The following ARLN variants were observed in gnomAD, a reference collection of about 807,000 sequenced individuals.
ARLN encodes allregulin.
the ARLN span, chr4:119,300,733 G>A: frequency 2.0e-6 from 3 of 1,515,838 alleles, no homozygotes; most frequent in South Asian, 1.2e-5. Context: ...CTCCGTGACC[G>A]CTGGCATGAA....
the ARLN span, chr4:119,297,147 G>A: frequency 2.0e-5 from 3 of 152,238 alleles, no homozygotes; most frequent in African/African-American, 7.2e-5. Flanking sequence ...TCCCAGTTCT[G>A]TGTTCCTACA....
chr4:119,301,706 C>A, the ARLN span, among the ~76,000 whole-genome samples: 2 of 152,070 alleles, frequency 1.3e-5, no homozygotes, highest in Non-Finnish European at 2.9e-5. Flanking sequence ...CGTAAAACCT[C>A]TTTGAAGGGG....
chr4:119,301,372 TGA>T, the ARLN span, among the ~76,000 whole-genome samples: 1 of 151,610 alleles, frequency 6.6e-6, no homozygotes, highest in Non-Finnish European at 1.5e-5. Context: ...TGCAGTGAGC[TGA>T]GATCGTGCCA....
the ARLN span, among the ~76,000 whole-genome samples, chr4:119,303,641 C>T: frequency 3.3e-5 from 5 of 152,064 alleles, no homozygotes; most frequent in East Asian, 5.8e-4. Context: ...CCCAGCACTT[C>T]GGGAGGCCAA....
chr4:119,296,817 A>G, the ARLN span: 1 of 152,212 alleles, frequency 6.6e-6, no homozygotes, highest in African/African-American at 2.4e-5. Context: ...ATCTCCTAGC[A>G]TAATCAAGAT....
the ARLN span, chr4:119,300,602 C>G: frequency 6.2e-7 from 1 of 1,609,520 alleles, no homozygotes; most frequent in South Asian, 1.1e-5. Context: ...CTTTGGTGTT[C>G]GCCGCACCGG....
At chr4:119,297,503 C>T in the ARLN span, 1 of 152,232 alleles carries the variant, frequency 6.6e-6, no homozygotes, top group African/African-American at 2.4e-5. Flanking sequence ...AGTGCAGTGG[C>T]CCCATCTTGG....
At chr4:119,298,883 C>T in the ARLN span, 64 of 652,648 alleles carry the variant, frequency 9.8e-5, no homozygotes, top group Non-Finnish European at 1.7e-4. Flanking sequence ...TAGAACATTT[C>T]TTGTAAGGCC....
the ARLN span, chr4:119,300,470 C>A: frequency 6.2e-7 from 1 of 1,614,206 alleles, no homozygotes; most frequent in East Asian, 2.2e-5. Flanking sequence ...GCCTCCCTCC[C>A]TCGCTAAAGC....
the ARLN span, among the ~76,000 whole-genome samples, chr4:119,299,909 C>A: frequency 3.3e-5 from 5 of 152,136 alleles, no homozygotes; most frequent in Non-Finnish European, 7.3e-5. Context: ...AAATAGCTTT[C>A]GTTGAGCACT....
At chr4:119,300,523 C>G in the ARLN span, 5 of 1,614,030 alleles carry the variant, frequency 3.1e-6, no homozygotes, top group Admixed American at 6.7e-5. Context: ...ACACCCGGTG[C>G]GTCCACCTCC....
the ARLN span, among the ~76,000 whole-genome samples, chr4:119,299,098 C>T: frequency 9.5e-4 from 144 of 152,190 alleles, no homozygotes; most frequent in Middle Eastern, 0.014. Context: ...CCTGCCACCC[C>T]TTTTTTTGAG....
the ARLN span, among the ~76,000 whole-genome samples, chr4:119,303,410 T>G: frequency 6.6e-6 from 1 of 151,650 alleles, no homozygotes; most frequent in Non-Finnish European, 1.5e-5. Flanking sequence ...AATTTTTGTA[T>G]TTTTAGTAGA....
chr4:119,300,271 G>T, the ARLN span: 1 of 1,346,708 alleles, frequency 7.4e-7, no homozygotes, highest in Non-Finnish European at 1.0e-6. Flanking sequence ...TCCCCTCCCC[G>T]CCCAAAAGCG....
At chr4:119,304,360 T>A in the ARLN span, 4 of 1,536,938 alleles carry the variant, frequency 2.6e-6, no homozygotes, top group African/African-American at 2.7e-5. Flanking sequence ...GTTTCCATAG[T>A]TTTTTGCCTT....
chr4:119,297,447 C>T, the ARLN span: 3 of 152,078 alleles, frequency 2.0e-5, no homozygotes, highest in Non-Finnish European at 4.4e-5. Context: ...TTAGGGCTAA[C>T]AGGAATATTT....
chr4:119,301,905 C>T, the ARLN span, among the ~76,000 whole-genome samples: 7 of 152,166 alleles, frequency 4.6e-5, 1 homozygote, highest in South Asian at 6.2e-4. Context: ...AGATAGTATA[C>T]GACCTTTCAA....
chr4:119,301,265 A>C, the ARLN span, among the ~76,000 whole-genome samples: 1 of 119,762 alleles, frequency 8.3e-6, no homozygotes. Flanking sequence ...AAAAAAAAAA[A>C]ATCCAAAAAT....
At chr4:119,298,905 T>C in the ARLN span, 1 of 584,944 alleles carries the variant, frequency 1.7e-6, no homozygotes, top group African/African-American at 1.9e-5. Context: ...CTATTTTCTA[T>C]CCAGAGCTGA....
Sources: gnomAD v4.1 joint callset for allele counts (sites outside exome capture counted in the v4.1 genomes callset) on GRCh38, gnomAD v4.1.1 for gene constraint, MANE v1.5 for transcripts, NCBI Gene and HGNC (gene_info 2026-07-23, HGNC 2026-07-21) for gene names.